SLC24A4: variants seen among roughly 807,000 people sequenced by gnomAD.
SLC24A4 encodes the protein solute carrier family 24 member 4, also known as sodium/potassium/calcium exchanger 4.
A neutral mutation model predicts 79.0 loss-of-function variants in SLC24A4; 53 were observed. The observed-to-expected ratio is 0.67, with a 90% CI of 0.54 to 0.84. The LOEUF (loss-of-function observed/expected upper bound fraction) is 0.84. SLC24A4 is among the 40% of genes least tolerant of loss of function. The pLI is 0.00. For synonymous variants in SLC24A4, 323 were observed against 323.8 expected, an observed-to-expected ratio of 1.00 and a Z score of 0.03; for missense variants, 731 against 822.0, an observed-to-expected ratio of 0.89 and a Z score of 1.35.
intron 2 of SLC24A4, among the ~76,000 whole-genome samples, chr14:92,417,549 A>G (rs1417353437): frequency 6.6e-6 from 1 of 152,224 alleles, no homozygotes; most frequent in Non-Finnish European, 1.5e-5. Context: ...AGTGTCCAGT[A>G]TTGATAGACT....
chr14:92,366,244 A>T (rs1159475029), intron 2 of SLC24A4, among the ~76,000 whole-genome samples: 3 of 152,150 alleles, frequency 2.0e-5, no homozygotes. Context: ...CCTCTGGGAA[A>T]ATGGTGAGGC....
intron 2 of SLC24A4, among the ~76,000 whole-genome samples, chr14:92,424,488 G>A (rs537640135): frequency 2.0e-5 from 3 of 152,278 alleles, no homozygotes; most frequent in South Asian, 2.1e-4. Context: ...ATGGCAGAAG[G>A]TGAAAGGGAG....
intron 2 of SLC24A4, among the ~76,000 whole-genome samples, chr14:92,421,792 C>G (rs1162463555): frequency 1.3e-5 from 2 of 152,096 alleles, no homozygotes. Context: ...CAGACATGAG[C>G]CACTGTGCCA....
chr14:92,391,710 C>T (rs977380728), intron 2 of SLC24A4, among the ~76,000 whole-genome samples: 17 of 152,332 alleles, frequency 1.1e-4, no homozygotes, highest in Middle Eastern at 3.4e-3. Context: ...TGGACTTTTG[C>T]GAATAGATCA....
intron 12 of SLC24A4, among the ~76,000 whole-genome samples, chr14:92,477,401 AT>A (rs1434506266): frequency 6.6e-6 from 1 of 152,028 alleles, no homozygotes; most frequent in Non-Finnish European, 1.5e-5. Flanking sequence ...TTGCAAAATG[AT>A]TTTTTTCCAT....
chr14:92,372,477 C>T (rs539855326), intron 2 of SLC24A4, among the ~76,000 whole-genome samples: 23 of 152,146 alleles, frequency 1.5e-4, no homozygotes, highest in Non-Finnish European at 2.9e-4. Flanking sequence ...GTGCTCAGCC[C>T]CTGGGGTGTC....
chr14:92,473,699 C>T (rs762957726), intron 12 of SLC24A4, among the ~76,000 whole-genome samples: 7 of 152,168 alleles, frequency 4.6e-5, no homozygotes, highest in Non-Finnish European at 7.4e-5. Flanking sequence ...TCTCCCCATG[C>T]TCGTCTCTGT....
At chr14:92,461,340 C>T (rs1326176960) in intron 12 of SLC24A4, among the ~76,000 whole-genome samples, 1 of 152,188 alleles carries the variant, frequency 6.6e-6, no homozygotes, top group Non-Finnish European at 1.5e-5. Context: ...ATGGGGAATT[C>T]TTCTATTGCT....
intron 11 of SLC24A4, 135 bp downstream of exon 11, chr14:92,454,204 C>T: frequency 1.2e-6 from 1 of 848,544 alleles, no homozygotes; most frequent in East Asian, 3.0e-5. Context: ...AGAAGCCTGC[C>T]CATCAGCCAC....
chr14:92,397,402 T>C (rs1253568592), intron 2 of SLC24A4, among the ~76,000 whole-genome samples: 1 of 152,232 alleles, frequency 6.6e-6, no homozygotes, highest in East Asian at 1.9e-4. Flanking sequence ...TTTGGGTTTA[T>C]GTCTTTGGCT....
At chr14:92,400,869 C>T (rs1172331576) in intron 2 of SLC24A4, among the ~76,000 whole-genome samples, 2 of 152,172 alleles carry the variant, frequency 1.3e-5, no homozygotes, top group Non-Finnish European at 2.9e-5. Context: ...CTTTTGTCAA[C>T]ACTGTTGATG....
intron 2 of SLC24A4, among the ~76,000 whole-genome samples, chr14:92,351,089 C>T (rs1455607667): frequency 6.6e-6 from 1 of 152,174 alleles, no homozygotes; most frequent in South Asian, 2.1e-4. Context: ...TTCTGTTGTT[C>T]ATAAGCCACT....
At chr14:92,465,231 G>A (rs946867928) in intron 12 of SLC24A4, among the ~76,000 whole-genome samples, 2 of 152,180 alleles carry the variant, frequency 1.3e-5, no homozygotes, top group Non-Finnish European at 2.9e-5. Context: ...CTTGAAGTGG[G>A]TGGGCCGGGA....
intron 2 of SLC24A4, among the ~76,000 whole-genome samples, chr14:92,356,692 A>G (rs1174350221): frequency 6.6e-6 from 1 of 152,202 alleles, no homozygotes; most frequent in East Asian, 1.9e-4. Context: ...TTGGCATGGT[A>G]TAGACCTTGT....
intron 2 of SLC24A4, among the ~76,000 whole-genome samples, chr14:92,341,882 C>T (rs1231795079): frequency 1.3e-5 from 2 of 152,142 alleles, no homozygotes; most frequent in Non-Finnish European, 2.9e-5. Flanking sequence ...AGGTGGCAAG[C>T]CCTTGAAAGA....
chr14:92,421,451 A>C (rs962607529), intron 2 of SLC24A4, among the ~76,000 whole-genome samples: 2 of 151,962 alleles, frequency 1.3e-5, no homozygotes, highest in East Asian at 1.9e-4. Flanking sequence ...GCACCATATA[A>C]ATGAGATCAT....
chr14:92,368,685 G>A (rs11160060), intron 2 of SLC24A4, among the ~76,000 whole-genome samples: 126,843 of 152,092 alleles, frequency 0.83, 54,056 homozygotes, highest in East Asian at 0.95. Context: ...TAAGTCACCC[G>A]GAGACAGCTG....
chr14:92,343,638 TTC>T (rs750814738), intron 2 of SLC24A4, among the ~76,000 whole-genome samples: 14 of 127,168 alleles, frequency 1.1e-4, no homozygotes, highest in South Asian at 2.6e-4. Context: ...CTTTCTTTCT[TTC>T]TCTCTTTCCT....
intron 8 of SLC24A4, 80 bp from the exon 9 acceptor site, chr14:92,447,291 C>T (rs1892851023): frequency 7.5e-7 from 1 of 1,326,918 alleles, no homozygotes; most frequent in Admixed American, 1.7e-5. Flanking sequence ...CCGCCCTTCC[C>T]CACTTCTGGA....
Sources: allele counts gnomAD v4.1 joint callset (sites outside exome capture counted in the v4.1 genomes callset), GRCh38; gene constraint gnomAD v4.1.1; transcripts MANE v1.5; gene names NCBI Gene and HGNC (gene_info 2026-07-23, HGNC 2026-07-21).